KRT78: variants seen among roughly 807,000 people sequenced by gnomAD.
KRT78 encodes keratin, type II cytoskeletal 78.
KRT78 carries 55 observed loss-of-function variants against 51.4 expected under a neutral mutation model. The observed-to-expected ratio is 1.07, with a 90% CI of 0.86 to 1.34. The LOEUF is 1.34. Ranked by LOEUF, KRT78 falls within the 40% of genes most tolerant of loss-of-function variation. KRT78 has a pLI of 0.00. For missense variants in KRT78, 652 were observed against 649.4 expected (o/e 1.00, Z -0.04); for synonymous variants, 291 against 264.3 (o/e 1.10, Z -0.98).
At chr12:52,845,997 T>C (rs1940632802) in intron 4 of KRT78, 200 bp downstream of exon 4, 2 of 543,814 alleles carry the variant, frequency 3.7e-6, no homozygotes, top group South Asian at 5.6e-5. Flanking sequence ...GATTTTTTTC[T>C]GGTTATTCAT....
intron 7 of KRT78, 25 bp from the exon 8 acceptor site, chr12:52,839,512 G>A (rs770115533): frequency 3.2e-6 from 5 of 1,559,796 alleles, no homozygotes; most frequent in South Asian, 2.4e-5. Flanking sequence ...ACAAGAGGGG[G>A]ATGCGCTAAG....
Position 52,848,962 on chromosome 12 carries a change from GGACAGACA to G in KRT78, c.-40_-33del. The G allele has an allele frequency of 6.6e-7, 1 of 1,512,120 alleles. No individual in the cohort carries two copies. The highest frequency in any genetic ancestry group is 8.8e-7 in the Non-Finnish European group (1 of 1,137,394). The allele number at this position is 1,512,120 out of a possible 1,614,324, so 93.7% of individuals were successfully genotyped here. A position where few individuals can be genotyped will look rare whatever the true frequency, so the allele number is the denominator to read the frequency against. On this transcript the variant is annotated 5_prime_UTR_variant, in exon 1 of 9. Transcript: ENST00000304620. The stretch of plus-strand genomic sequence containing the variant: ...GACAGACAGTCACGCAGCTGCAGAC[GGACAGACA>G]GATTGTCAAGGTGTGTGAGTTTCTG...
intron 6 of KRT78, among the ~76,000 whole-genome samples, chr12:52,842,204 G>A (rs1940515225): frequency 6.6e-6 from 1 of 152,018 alleles, no homozygotes; most frequent in African/African-American, 2.4e-5. Context: ...GCTCTGCTTG[G>A]GAGTCAAGGG....
chr12:52,844,602 G>A lies in KRT78; in HGVS notation c.878C>T (p.Ala293Val), dbSNP rs772240272. Residue 293 changes from alanine to valine, a missense_variant, in exon 5 of 9, where the codon GCC becomes GTC. Physicochemically the swap from Ala to Val is moderately conservative, Grantham distance 64 (BLOSUM62 0). Coordinates refer to ENST00000304620, the MANE Select transcript of KRT78 (RefSeq NM_173352.4). ...CTCAGCCTCAGCCTTGCTGCTCCGG[G>A]CGATCTCCTCGTACCGGGCGCGGAC... is the stretch of plus-strand genomic sequence containing the variant. ...TEVRARYEEI[A>V]RSSKAEAEAL... 9.9e-6 allele frequency: 16 copies of A among 1,613,978 alleles called. No homozygotes were observed. The Admixed American group carries it at 1.5e-4, about 15-fold the overall frequency.
chr12:52,846,234 C>T lies in KRT78; in HGVS notation c.719G>A (p.Arg240Lys), dbSNP rs61753522. ...ATGCTTCAAGAAGTAGAGGTACTCT[C>T]TCAGAGCCTCCAGCTTGCCCTCCAA... The part of the protein sequence containing the change: ...MELEGKLEAL[R>K]EYLYFLKHLN... Residue 240 changes from arginine (R) to lysine (K), a missense_variant, in exon 4 of 9, where the codon AGA (arginine) becomes AAA (lysine). Coordinates refer to ENST00000304620, the MANE Select transcript of KRT78 (RefSeq NM_173352.4). 9,578 of 1,614,006 alleles carry T rather than the reference C, an allele frequency of 5.9e-3. 47 individuals carry two copies. The highest frequency in any genetic ancestry group is 7.1e-3 in the Non-Finnish European group (8,423 of 1,179,918).
Position 52,848,610 on chromosome 12 carries a change from C to T in KRT78, c.321G>A (p.Val107=). 6.2e-7 allele frequency: 1 copy of T among 1,614,118 alleles called. No homozygotes were observed. The highest frequency in any genetic ancestry group is 1.1e-5 in the South Asian group (1 of 91,082). ...TGATCTCCTGGGTCTCCTGCGTCCG[C>T]ACCACCTGGAACTGGGGATCGATCT... ...KIEIDPQFQV[V]RTQETQEIRT... is the part of the protein sequence containing the mutation. Residue 107 remains valine (V), a synonymous_variant, in exon 1 of 9, where the codon GTG becomes GTA. Transcript: ENST00000304620.
chr12:52,842,959 G>GAA (rs1940537480), intron 6 of KRT78, among the ~76,000 whole-genome samples: 1 of 53,724 alleles, frequency 1.9e-5, no homozygotes. Context: ...GAGAGAGAGA[G>GAA]AGGAAGGAAG....
At chr12:52,842,937 A>G (rs556059540) in intron 6 of KRT78, among the ~76,000 whole-genome samples, 3,445 of 103,366 alleles carry the variant, frequency 0.033, 143 homozygotes, top group East Asian at 0.099. Context: ...GAAAGAAAGA[A>G]AGAGAGAGAG....
chr12:52,844,457 A>C, intron 5 of KRT78, 102 bp downstream of exon 5: 1 of 1,405,016 alleles, frequency 7.1e-7, no homozygotes, highest in Non-Finnish European at 9.7e-7. Flanking sequence ...CAGGGAGGTA[A>C]CTGGAACTGC....
Position 52,839,354 on chromosome 12 carries a change from G to A in KRT78, c.1322C>T (p.Ala441Val). Reference sequence around the variant, plus strand: ...TCCACCAACTCCTCCAGACATGACAGCGCTGCCTCCCACCGAGGCTGCCAA... The same window carrying A: ...TCCACCAACTCCTCCAGACATGACAACGCTGCCTCCCACCGAGGCTGCCAA... Reference protein sequence around the residue: ...QVTISSVGGSAVMSGGVGGGL... With the variant: ...QVTISSVGGSVVMSGGVGGGL... Residue 441 changes from alanine (A) to valine (V), a missense_variant, in exon 9 of 9, where the codon GCT becomes GTT. Transcript: ENST00000304620. 4 of 1,613,902 alleles carry A rather than the reference G, an allele frequency of 2.5e-6. No individual in the cohort carries two copies. The highest frequency in any genetic ancestry group is 3.4e-6 in the Non-Finnish European group (4 of 1,179,940).
chr12:52,848,116 C>T lies in KRT78; in HGVS notation c.390G>A (p.Arg130=). The change falls in exon 2 of 9, where the codon CGG becomes CGA. Residue 130 remains arginine, a synonymous_variant. Transcript: ENST00000304620. Reference sequence around the variant, plus strand: ...GGACCTTGTTCTGCTGCTCCAGGAACCGCACCTGCAGCAAAAGCAGAGGAT... The same window carrying T: ...GGACCTTGTTCTGCTGCTCCAGGAATCGCACCTGCAGCAAAAGCAGAGGAT... ...NQFASFIDKV[R]FLEQQNKVLE... 2 of 1,614,010 alleles carry T rather than the reference C, an allele frequency of 1.2e-6. No homozygotes were observed. Among genetic ancestry groups the T allele is most frequent in the East Asian group, 2.2e-5 (1 of 44,870 alleles).
Position 52,842,595 on chromosome 12 carries a change from G to C in KRT78, c.1047+1498C>G, listed in dbSNP as rs1940523089. ...TGACCTTAAAGTCCCTGCTGGGCTT[G>C]AGAAGTAAGAGTCAAAAGAAGAGAT... On this transcript the variant is annotated intron_variant, in intron 6 of 8. Coordinates refer to ENST00000304620, the MANE Select transcript of KRT78 (RefSeq NM_173352.4). 2.0e-5 allele frequency among the ~76,000 whole-genome samples: 3 copies of C among 152,202 alleles called. No individual in the cohort carries two copies. The South Asian group carries it at 6.2e-4, about 32-fold the overall frequency.
intron 6 of KRT78, among the ~76,000 whole-genome samples, chr12:52,843,838 C>A (rs1171454376): frequency 6.6e-6 from 1 of 152,162 alleles, no homozygotes; most frequent in Non-Finnish European, 1.5e-5. Context: ...CTCCCCGATG[C>A]CAGGGGAGTG....
At chr12:52,842,490 C>T (rs1366306426) in intron 6 of KRT78, among the ~76,000 whole-genome samples, 4 of 152,158 alleles carry the variant, frequency 2.6e-5, no homozygotes, top group Non-Finnish European at 5.9e-5. Context: ...GAAGTTAGCC[C>T]CACCCTGCCG....
Position 52,839,827 on chromosome 12 carries a change from G to A in KRT78, c.1205C>T (p.Thr402Met), listed in dbSNP as rs376923816. ...AATCTCCACATCCAGGGAAAGCTTCGTGCTCGTCAGCTCCTGGTACTCGCA... is the reference window on the plus strand; with the variant it reads ...AATCTCCACATCCAGGGAAAGCTTCATGCTCGTCAGCTCCTGGTACTCGCA... ...LLCEYQELTS[T>M]KLSLDVEIAT... Residue 402 changes from threonine (T) to methionine (M), a missense_variant, in exon 7 of 9, where the codon ACG (threonine) becomes ATG (methionine). Thr to Met is a moderately conservative substitution (Grantham distance 81, BLOSUM62 -1). Transcript: ENST00000304620. 216 of 1,613,894 alleles carry A rather than the reference G, an allele frequency of 1.3e-4. 5 individuals carry two copies. The East Asian group carries it at 1.9e-3, about 14-fold the overall frequency.
chr12:52,848,150 C>T, intron 1 of KRT78, 29 bp from the exon 2 acceptor site: 2 of 1,607,522 alleles, frequency 1.2e-6, no homozygotes, highest in Non-Finnish European at 1.7e-6. Flanking sequence ...ATCCCTGAGG[C>T]TCCTGTGGGA....
intron 6 of KRT78, among the ~76,000 whole-genome samples, chr12:52,840,599 C>T (rs1940471518): frequency 1.3e-5 from 2 of 152,128 alleles, no homozygotes; most frequent in Non-Finnish European, 1.5e-5. Flanking sequence ...CCCAGCTACT[C>T]GGGAGGCTGA....
intron 6 of KRT78, 32 bp from the exon 7 acceptor site, chr12:52,840,016 G>A (rs1162524234): frequency 2.0e-6 from 3 of 1,533,094 alleles, no homozygotes; most frequent in Non-Finnish European, 2.7e-6. Context: ...GCGAGAAGGT[G>A]GTTGTAAGTC....
Position 52,848,671 on chromosome 12 carries a change from G to C in KRT78, c.260C>G (p.Thr87Ser). Reference sequence around the variant, plus strand: ...TGGGGTCAGCAGATTCTGGTTGATGGTCACTTCTTGGATGCCCCCCGGAGG... The same window carrying C: ...TGGGGTCAGCAGATTCTGGTTGATGCTCACTTCTTGGATGCCCCCCGGAGG... ...LCPPGGIQEVTINQNLLTPLK... is the reference protein window; with the variant it reads ...LCPPGGIQEVSINQNLLTPLK... The change falls in exon 1 of 9, where the codon ACC becomes AGC. Residue 87 changes from threonine (T) to serine (S), a missense_variant. Coordinates refer to ENST00000304620, the MANE Select transcript of KRT78 (RefSeq NM_173352.4). 6.2e-7 allele frequency: 1 copy of C among 1,613,800 alleles called. No homozygotes were observed. Among genetic ancestry groups the C allele is most frequent in the Non-Finnish European group, 8.5e-7 (1 of 1,179,852 alleles).
Sources: gnomAD v4.1 joint callset for allele counts (sites outside exome capture counted in the v4.1 genomes callset) on GRCh38, gnomAD v4.1.1 for gene constraint, MANE v1.5 for transcripts, NCBI Gene and HGNC (gene_info 2026-07-23, HGNC 2026-07-21) for gene names.